Variants in FAM169A observed in about 807,000 individuals in gnomAD.
FAM169A encodes the protein family with sequence similarity 169 member A.
Under a neutral mutation model 75.7 loss-of-function variants are expected in FAM169A, and 24 were observed. The observed-to-expected ratio is 0.32, with a 90% confidence interval of 0.23 to 0.45. The LOEUF is 0.45. Ranked by LOEUF, FAM169A falls within the 20% of genes least tolerant of loss-of-function variation. The pLI, the probability that FAM169A is intolerant of heterozygous loss-of-function variation, is 1.00. For missense variants in FAM169A, 673 were observed against 784.0 expected, an observed-to-expected ratio of 0.86 and a Z score of 1.69; for synonymous variants, 271 against 271.0, an observed-to-expected ratio of 1.00 and a Z score of 0.00.
intron 8 of FAM169A, among the ~76,000 whole-genome samples, chr5:74,802,607 A>G (rs1746647101): frequency 6.6e-6 from 1 of 152,164 alleles, no homozygotes; most frequent in Non-Finnish European, 1.5e-5. Flanking sequence ...GCTATAATAA[A>G]GCAATTATTA....
chr5:74,838,873 A>C, intron 4 of FAM169A, 92 bp downstream of exon 4: 3 of 886,160 alleles, frequency 3.4e-6, no homozygotes, highest in Non-Finnish European at 5.6e-6. Context: ...GATTATTTTT[A>C]AATGGGGAAG....
At chr5:74,837,146 A>T (rs1463188352) in intron 4 of FAM169A, among the ~76,000 whole-genome samples, 5 of 152,088 alleles carry the variant, frequency 3.3e-5, no homozygotes, top group African/African-American at 1.2e-4. Flanking sequence ...TCCATCCTTT[A>T]GCCTTCATAT....
chr5:74,853,942 TAA>T (rs879578990), intron 1 of FAM169A, among the ~76,000 whole-genome samples: 5 of 144,884 alleles, frequency 3.5e-5, no homozygotes, highest in African/African-American at 2.5e-5. Flanking sequence ...AAGCTGAAGT[TAA>T]AAAAAAAAAG....
chr5:74,795,376 A>G lies in FAM169A; in HGVS notation c.1260+654T>C, dbSNP rs534168780. The stretch of plus-strand genomic sequence containing the variant: ...TTTATGAACATATGAAAGAAGAAAT[A>G]GAGAATCTGTGGAAAGGAAAAGATT... On this transcript the variant is annotated intron_variant, in intron 11 of 12. Transcript: ENST00000687041. 7.9e-5 allele frequency among the ~76,000 whole-genome samples: 12 copies of G among 152,344 alleles called. No individual in the cohort carries two copies. In the South Asian group the frequency reaches 2.5e-3, roughly 32 times the overall value.
At chr5:74,854,084 A>T (rs1374688874) in intron 1 of FAM169A, among the ~76,000 whole-genome samples, 2 of 152,110 alleles carry the variant, frequency 1.3e-5, no homozygotes, top group South Asian at 4.1e-4. Context: ...ATGCATAATA[A>T]TCACACCAGG....
Position 74,783,082 on chromosome 5 carries a change from G to A in FAM169A, c.1313C>T (p.Thr438Ile). 6.2e-7 allele frequency: 1 copy of A among 1,613,690 alleles called. No homozygotes were observed. The highest frequency in any genetic ancestry group is 8.5e-7 in the Non-Finnish European group (1 of 1,179,658). ...NGEIMDDSLK[T>I]SLITEEEDST... ...GTCTTCCTCTTCTGTTATAAGTGAG[G>A]TCTTAAGAGAATCGTCCATTATCTC... Residue 438 changes from threonine to isoleucine, a missense_variant, in exon 12 of 13, where the codon ACC (threonine) becomes ATC (isoleucine). Physicochemically the swap from Thr to Ile is moderately conservative, Grantham distance 89. Coordinates refer to ENST00000687041, the MANE Select transcript of FAM169A (RefSeq NM_001376049.1).
chr5:74,829,804 T>A (rs1748218386), intron 5 of FAM169A, among the ~76,000 whole-genome samples: 1 of 152,010 alleles, frequency 6.6e-6, no homozygotes, highest in Admixed American at 6.6e-5. Context: ...TGAAACCCCA[T>A]CTCTATGAAA....
intron 1 of FAM169A, among the ~76,000 whole-genome samples, chr5:74,849,329 G>C (rs954241135): frequency 6.6e-6 from 1 of 151,830 alleles, no homozygotes; most frequent in African/African-American, 2.4e-5. Context: ...CCTATTTATT[G>C]TTGATTACTG....
intron 4 of FAM169A, among the ~76,000 whole-genome samples, chr5:74,837,736 C>A (rs1194537664): frequency 1.3e-5 from 2 of 152,130 alleles, no homozygotes; most frequent in Non-Finnish European, 2.9e-5. Context: ...TGGAACCCTG[C>A]GAATCTGACA....
At chr5:74,826,649 T>TA (rs1748044563) in intron 5 of FAM169A, among the ~76,000 whole-genome samples, 1 of 152,160 alleles carries the variant, frequency 6.6e-6, no homozygotes, top group South Asian at 2.1e-4. Context: ...AAAACTATTT[T>TA]AAAAACAATT....
At chr5:74,827,694 T>G (rs142539891) in intron 5 of FAM169A, among the ~76,000 whole-genome samples, 2,164 of 145,684 alleles carry the variant, frequency 0.015, 48 homozygotes, top group African/African-American at 0.048. Flanking sequence ...TGAGATGGAG[T>G]GTCTGTCACC....
intron 10 of FAM169A, among the ~76,000 whole-genome samples, chr5:74,796,594 C>A (rs1746290349): frequency 6.6e-6 from 1 of 152,086 alleles, no homozygotes; most frequent in Non-Finnish European, 1.5e-5. Flanking sequence ...TTAGTAAAGA[C>A]AGGGTTTCAC....
chr5:74,794,477 A>G (rs1053347231), intron 11 of FAM169A, among the ~76,000 whole-genome samples: 2 of 151,532 alleles, frequency 1.3e-5, no homozygotes, highest in African/African-American at 4.9e-5. Context: ...CTGTAATCCC[A>G]GCACTTTGGG....
chr5:74,827,056 C>G (rs568959706), intron 5 of FAM169A, among the ~76,000 whole-genome samples: 20 of 152,072 alleles, frequency 1.3e-4, no homozygotes, highest in Non-Finnish European at 2.8e-4. Flanking sequence ...GGCAAAAATG[C>G]TACAGAATGA....
At chr5:74,864,907 C>T (rs1166779076) in intron 1 of FAM169A, among the ~76,000 whole-genome samples, 1 of 152,208 alleles carries the variant, frequency 6.6e-6, no homozygotes, top group Non-Finnish European at 1.5e-5. Context: ...CTGGTCCATA[C>T]TAGTCAATAA....
chr5:74,836,149 A>G (rs894827568), intron 4 of FAM169A, among the ~76,000 whole-genome samples: 1 of 152,190 alleles, frequency 6.6e-6, no homozygotes, highest in Non-Finnish European at 1.5e-5. Context: ...CTATATAAAC[A>G]AAGTTTTTAT....
At chr5:74,828,795 T>C (rs941694836) in intron 5 of FAM169A, among the ~76,000 whole-genome samples, 1 of 152,256 alleles carries the variant, frequency 6.6e-6, no homozygotes, top group African/African-American at 2.4e-5. Flanking sequence ...GTGGGATTTA[T>C]GCTGTTTAAA....
chr5:74,803,036 C>T (rs1330196079), intron 8 of FAM169A, among the ~76,000 whole-genome samples: 2 of 152,028 alleles, frequency 1.3e-5, no homozygotes, highest in Non-Finnish European at 1.5e-5. Context: ...ATATGATAAA[C>T]ATTTCCTTCA....
chr5:74,828,353 T>C (rs1456723055), intron 5 of FAM169A, among the ~76,000 whole-genome samples: 1 of 152,194 alleles, frequency 6.6e-6, no homozygotes, highest in Admixed American at 6.5e-5. Context: ...TTCTTTTTTC[T>C]TTTTTTAAAG....
Sources: gnomAD v4.1 joint callset for allele counts (sites outside exome capture counted in the v4.1 genomes callset) on GRCh38, gnomAD v4.1.1 for gene constraint, MANE v1.5 for transcripts, NCBI Gene and HGNC (gene_info 2026-07-23, HGNC 2026-07-21) for gene names.